Variants in NLRC3 observed in about 807,000 individuals in gnomAD.
NLRC3 encodes NLR family CARD domain containing 3.
A neutral mutation model predicts 91.6 loss-of-function variants in NLRC3; 87 were observed. The ratio of observed to expected loss-of-function variants is 0.95; its 90% CI spans 0.80 to 1.14. The LOEUF (loss-of-function observed/expected upper bound fraction) is 1.14. NLRC3 is among the 50% of genes most tolerant of loss of function. The pLI is 0.00. For missense variants in NLRC3, 1,577 were observed against 1,418.6 expected, an observed-to-expected ratio of 1.11 and a Z score of -1.79; for synonymous variants, 694 against 625.3, an observed-to-expected ratio of 1.11 and a Z score of -1.64.
chr16:3,568,308 C>T (rs1190595609), intron 1 of NLRC3, among the ~76,000 whole-genome samples: 1 of 152,200 alleles, frequency 6.6e-6, no homozygotes, highest in Non-Finnish European at 1.5e-5. Flanking sequence ...GTTGCTGGCA[C>T]CCAGGCCAGC....
chr16:3,563,616 T>C lies in NLRC3; in HGVS notation c.1321A>G (p.Arg441Gly), dbSNP rs149338592. The C allele has an allele frequency of 2.2e-4, 360 of 1,613,350 alleles. No homozygotes were observed. In the African/African-American group the frequency reaches 4.1e-3, roughly 18 times the overall value. ...ACTGACGATGCCAACGTCTCCTCTC[T>C]CTGCAGGAAGCAGCTGCACGGGGCG... ...QGAPCSCFLQREETLASSVAY... is the reference protein window; with the variant it reads ...QGAPCSCFLQGEETLASSVAY... Residue 441 changes from arginine to glycine, a missense_variant, in exon 5 of 20, where the codon AGA becomes GGA. Coordinates refer to ENST00000359128, the MANE Select transcript of NLRC3 (RefSeq NM_178844.4).
intron 15 of NLRC3, among the ~76,000 whole-genome samples, chr16:3,546,643 A>G (rs2038706923): frequency 6.6e-6 from 1 of 152,212 alleles, no homozygotes; most frequent in African/African-American, 2.4e-5. Flanking sequence ...TCCATTCACA[A>G]GATGGGGAGC....
intron 16 of NLRC3, chr16:3,543,709 A>T: frequency 3.4e-6 from 2 of 580,802 alleles, no homozygotes; most frequent in Non-Finnish European, 6.2e-6. Flanking sequence ...TGCTAAGGAG[A>T]TGAGAAATAG....
chr16:3,546,075 C>T (rs2038675572), intron 15 of NLRC3, among the ~76,000 whole-genome samples: 1 of 151,976 alleles, frequency 6.6e-6, no homozygotes, highest in South Asian at 2.1e-4. Flanking sequence ...ACAGAGGGGA[C>T]CGACCCAACA....
chr16:3,553,027 G>C lies in NLRC3; in HGVS notation c.2268-748C>G, dbSNP rs141303716. The stretch of plus-strand genomic sequence containing the variant: ...GCTGCTTCCTCTTGTCCTAAATCTG[G>C]TGGAGGGAGACAGCACGGGAGAAAC... On this transcript the variant is annotated intron_variant, in intron 9 of 19. Transcript: ENST00000359128. Among the ~76,000 whole-genome samples, 160 of 152,348 alleles carry C rather than the reference G, an allele frequency of 1.1e-3. 2 individuals are homozygous for C. The East Asian group carries it at 0.02, about 19-fold the overall frequency.
At chr16:3,551,135 A>G (rs1214576873) in intron 10 of NLRC3, among the ~76,000 whole-genome samples, 1 of 151,472 alleles carries the variant, frequency 6.6e-6, no homozygotes, top group Non-Finnish European at 1.5e-5. Context: ...TTGTCCATCC[A>G]TCCATCCACT....
chr16:3,570,217 C>G (rs2040050372), intron 1 of NLRC3, among the ~76,000 whole-genome samples: 2 of 152,088 alleles, frequency 1.3e-5, no homozygotes, highest in South Asian at 2.1e-4. Flanking sequence ...GTGATCCACC[C>G]ACCTCAGCCT....
intron 1 of NLRC3, among the ~76,000 whole-genome samples, chr16:3,569,351 A>C (rs907895206): frequency 6.1e-5 from 8 of 130,148 alleles, no homozygotes; most frequent in Non-Finnish European, 1.1e-4. Context: ...AAGAATTTTT[A>C]TCTCTTTATT....
At chr16:3,572,461 T>G (rs1454590426) in intron 1 of NLRC3, among the ~76,000 whole-genome samples, 8 of 152,142 alleles carry the variant, frequency 5.3e-5, no homozygotes, top group Non-Finnish European at 1.2e-4. Flanking sequence ...CTAATTTTTG[T>G]ATTTTTTGTA....
intron 15 of NLRC3, among the ~76,000 whole-genome samples, chr16:3,547,658 A>G (rs1031399054): frequency 2.0e-5 from 3 of 151,898 alleles, no homozygotes; most frequent in Admixed American, 1.3e-4. Flanking sequence ...GTGTGTATGT[A>G]TATATATGTG....
In NLRC3 at chr16:3,564,340, C is replaced by T. The variant is rs1464956407; in HGVS notation, c.597G>A (p.Pro199=). The T allele has an allele frequency of 4.2e-5, 67 of 1,611,512 alleles. No homozygotes were observed. Among genetic ancestry groups the T allele is most frequent in the Non-Finnish European group, 5.3e-5 (63 of 1,179,622 alleles). ...CCGCCAGGCTGGGCTCCCCGACGTGCGGGAAGACCGAGCAGATGAGTCGGT... is the reference window on the plus strand; with the variant it reads ...CCGCCAGGCTGGGCTCCCCGACGTGTGGGAAGACCGAGCAGATGAGTCGGT... ...CADRLICSVF[P]HVGEPSLAVA... Residue 199 remains proline (P), a synonymous_variant, in exon 5 of 20, where the codon CCG becomes CCA. Coordinates refer to ENST00000359128, the MANE Select transcript of NLRC3 (RefSeq NM_178844.4). This position sits in a 1 kb window ranked among gnomAD's most constrained non-coding sequence, Gnocchi z 5.9.
At chr16:3,575,778 C>T (rs1460176624) in intron 1 of NLRC3, among the ~76,000 whole-genome samples, 1 of 152,216 alleles carries the variant, frequency 6.6e-6, no homozygotes, top group Non-Finnish European at 1.5e-5. Context: ...TTGCCGGGAC[C>T]TGCTGGGTCC....
Position 3,563,552 on chromosome 16 carries a change from A to G in NLRC3, c.1385T>C (p.Val462Ala), listed in dbSNP as rs371144193. 4 of 1,611,444 alleles carry G rather than the reference A, an allele frequency of 2.5e-6. No homozygotes were observed. The highest frequency in any genetic ancestry group is 3.4e-6 in the Non-Finnish European group (4 of 1,179,066). ...CFTHLSLQEF[V>A]AAAYYYGASR... ...TGCGCCATAGTAATACGCGGCTGCC[A>G]CAAACTCCTGCAGGGACAGGTGGGT... The change falls in exon 5 of 20, where the codon GTG (valine) becomes GCG (alanine). Residue 462 changes from valine to alanine, a missense_variant. Physicochemically the swap from Val to Ala is moderately conservative, Grantham distance 64. Transcript: ENST00000359128.
At chr16:3,571,312 A>G (rs1254515544) in intron 1 of NLRC3, among the ~76,000 whole-genome samples, 1 of 151,992 alleles carries the variant, frequency 6.6e-6, no homozygotes, top group Non-Finnish European at 1.5e-5. Context: ...TTATTTAGGT[A>G]AAGGTTTTTT....
At position 3,563,007 on chromosome 16, in the gene NLRC3, A is replaced by C. The variant is rs182193415; in HGVS notation, c.1928+2T>G. The stretch of plus-strand genomic sequence containing the variant: ...GCCCCTGCCCCCTGCCCTGGTATCC[A>C]CCTGAGCTTCCGGCAGTAGAGCAGC... On this transcript the variant is annotated splice_donor_variant, in intron 5 of 19. Coordinates refer to ENST00000359128, the MANE Select transcript of NLRC3 (RefSeq NM_178844.4). LOFTEE classifies it high-confidence loss of function. The C allele has an allele frequency of 6.4e-7, 1 of 1,550,922 alleles. No homozygotes were observed. The highest frequency in any genetic ancestry group is 1.4e-5 in the African/African-American group (1 of 73,286).
At chr16:3,576,443 C>A (rs974849792) in intron 1 of NLRC3, among the ~76,000 whole-genome samples, 3 of 152,162 alleles carry the variant, frequency 2.0e-5, no homozygotes, top group Non-Finnish European at 4.4e-5. Context: ...TGCTGAGGCC[C>A]AGAGAAGTAG....
At chr16:3,577,126 G>A in intron 1 of NLRC3, 23 bp downstream of exon 1, 1 of 703,068 alleles carries the variant, frequency 1.4e-6, no homozygotes, top group East Asian at 2.7e-5. Context: ...GCCCTGCACT[G>A]AGGTCACCTG....
At position 3,563,480 on chromosome 16, in the gene NLRC3, C is replaced by G. The variant is rs532953502; in HGVS notation, c.1457G>C (p.Trp486Ser). 10 of 1,589,304 alleles carry G rather than the reference C, an allele frequency of 6.3e-6. No homozygotes were observed. The highest frequency in any genetic ancestry group is 8.6e-7 in the Non-Finnish European group (1 of 1,168,432). ...FDLFTESGVS[W>S]PRLGFLTHFR... ...ATGCGTGAGGAAGCCCAGCCTGGGCCAGGATACGCCGCTCTCAGTGAAGAG... is the reference window on the plus strand; with the variant it reads ...ATGCGTGAGGAAGCCCAGCCTGGGCGAGGATACGCCGCTCTCAGTGAAGAG... The change falls in exon 5 of 20, where the codon TGG (tryptophan) becomes TCG (serine). Residue 486 changes from tryptophan to serine, a missense_variant. Coordinates refer to ENST00000359128, the MANE Select transcript of NLRC3 (RefSeq NM_178844.4).
intron 1 of NLRC3, among the ~76,000 whole-genome samples, chr16:3,576,870 A>G (rs1188868818): frequency 4.6e-5 from 7 of 152,124 alleles, no homozygotes; most frequent in Non-Finnish European, 1.0e-4. Flanking sequence ...GGGTTTCACC[A>G]TGTTGGCCAG....
Sources: allele counts gnomAD v4.1 joint callset (sites outside exome capture counted in the v4.1 genomes callset), GRCh38; gene constraint gnomAD v4.1.1; non-coding constraint Gnocchi (gnomAD v3.1); transcripts MANE v1.5; gene names NCBI Gene and HGNC (gene_info 2026-07-23, HGNC 2026-07-21).